TMEM132D: variants seen among roughly 807,000 people sequenced by gnomAD.
The protein encoded by TMEM132D is transmembrane protein 132D, also known as mature OL transmembrane protein.
In TMEM132D, 21 loss-of-function variants were observed where a neutral mutation model predicts 62.3. The ratio of observed to expected loss-of-function variants is 0.34; its 90% CI spans 0.24 to 0.49. The LOEUF (loss-of-function observed/expected upper bound fraction) is 0.49, where lower values mean the gene tolerates loss of function less well. Among genes scored for constraint, TMEM132D ranks in the 20% least tolerant of loss-of-function variants. The pLI, the probability that TMEM132D is intolerant of heterozygous loss-of-function variation, is 0.99. For synonymous variants in TMEM132D, 621 were observed against 575.6 expected (o/e 1.08, Z -1.13); for missense variants, 1,346 against 1,402.8 (o/e 0.96, Z 0.65).
intron 3 of TMEM132D, among the ~76,000 whole-genome samples, chr12:129,376,634 G>C (rs1870790011): frequency 6.6e-6 from 1 of 152,126 alleles, no homozygotes; most frequent in Non-Finnish European, 1.5e-5. Context: ...TTAGAGACAG[G>C]GCTTTTAAAT....
chr12:129,434,285 G>GA (rs1298406288), intron 3 of TMEM132D, among the ~76,000 whole-genome samples: 2 of 152,172 alleles, frequency 1.3e-5, no homozygotes, highest in Non-Finnish European at 2.9e-5. Flanking sequence ...GTGTACAAGA[G>GA]ATAACATCAG....
At chr12:129,698,816 AAAG>A (rs991285039) in intron 2 of TMEM132D, among the ~76,000 whole-genome samples, 2 of 151,606 alleles carry the variant, frequency 1.3e-5, no homozygotes, top group South Asian at 2.1e-4. Context: ...AGAAAAAAGA[AAAG>A]AAGAAAAGAA....
chr12:129,425,428 T>C (rs1872467657), intron 3 of TMEM132D, among the ~76,000 whole-genome samples: 1 of 151,020 alleles, frequency 6.6e-6, no homozygotes, highest in Non-Finnish European at 1.5e-5. Context: ...TTCTAATCTC[T>C]GCTTTTGCTT....
chr12:129,481,437 C>T (rs570907273), intron 3 of TMEM132D, among the ~76,000 whole-genome samples: 60 of 144,572 alleles, frequency 4.2e-4, no homozygotes, highest in Middle Eastern at 3.7e-3. Context: ...CACTCCAGCC[C>T]GGGTGACAGA....
chr12:129,073,436 C>T lies in TMEM132D; in HGVS notation c.*439G>A, dbSNP rs753211291. On this transcript the variant is annotated 3_prime_UTR_variant, in exon 9 of 9. Coordinates refer to ENST00000422113, the MANE Select transcript of TMEM132D (RefSeq NM_133448.3). ...ATGTGCTGCTCCAGTTTCGATGACA[C>T]GCTTCCTCCCATTGATCCATGGATG... The T allele has an allele frequency of 1.4e-4, 21 of 146,164 alleles. No individual in the cohort carries two copies. The highest frequency in any genetic ancestry group is 2.6e-4 in the Non-Finnish European group (17 of 65,896). The allele number at this position is 146,164 out of a possible 1,614,324, so 9.1% of individuals were successfully genotyped here. A position where few individuals can be genotyped will look rare whatever the true frequency, so the allele number is the denominator to read the frequency against.
At chr12:129,593,165 A>C (rs1878241838) in intron 2 of TMEM132D, among the ~76,000 whole-genome samples, 1 of 152,212 alleles carries the variant, frequency 6.6e-6, no homozygotes, top group South Asian at 2.1e-4. Context: ...GTATGTAAAA[A>C]ATCAGGGAAA....
intron 4 of TMEM132D, among the ~76,000 whole-genome samples, chr12:129,317,521 C>G (rs115805984): frequency 6.6e-6 from 1 of 152,124 alleles, no homozygotes; most frequent in Non-Finnish European, 1.5e-5. Context: ...GCTGTTAATC[C>G]GATAGGATTT....
intron 1 of TMEM132D, among the ~76,000 whole-genome samples, chr12:129,788,463 CA>C (rs1871303026): frequency 6.6e-6 from 1 of 152,114 alleles, no homozygotes; most frequent in African/African-American, 2.4e-5. Context: ...AACTATTTTT[CA>C]AAGGAAATAA....
At chr12:129,319,338 A>G (rs1868605623) in intron 4 of TMEM132D, among the ~76,000 whole-genome samples, 1 of 152,160 alleles carries the variant, frequency 6.6e-6, no homozygotes, top group African/African-American at 2.4e-5. Flanking sequence ...AGCCCCAGGT[A>G]AAGTTAGAAA....
chr12:129,568,009 G>A (rs1181749587), intron 2 of TMEM132D, among the ~76,000 whole-genome samples: 2 of 152,174 alleles, frequency 1.3e-5, no homozygotes, highest in Non-Finnish European at 2.9e-5. Context: ...GAGGGGTTCT[G>A]GGCATTTTAA....
At chr12:129,536,904 C>T (rs932768757) in intron 2 of TMEM132D, among the ~76,000 whole-genome samples, 5 of 152,128 alleles carry the variant, frequency 3.3e-5, no homozygotes, top group Admixed American at 6.5e-5. Flanking sequence ...CGCCTGTAAT[C>T]CCAGCCATGT....
At chr12:129,078,040 T>C (rs1336850422) in intron 8 of TMEM132D, among the ~76,000 whole-genome samples, 1 of 152,192 alleles carries the variant, frequency 6.6e-6, no homozygotes, top group Non-Finnish European at 1.5e-5. Context: ...GTTTCTGCCT[T>C]GAGCTGAACA....
chr12:129,834,059 A>G (rs1872926636), intron 1 of TMEM132D, among the ~76,000 whole-genome samples: 1 of 152,180 alleles, frequency 6.6e-6, no homozygotes, highest in Admixed American at 6.5e-5. Context: ...ATCACTGTTC[A>G]AGGACTGAGG....
intron 2 of TMEM132D, among the ~76,000 whole-genome samples, chr12:129,634,690 G>T (rs2137169798): frequency 6.6e-6 from 1 of 152,192 alleles, no homozygotes; most frequent in Non-Finnish European, 1.5e-5. Context: ...AACGTTGGCA[G>T]GTCAGAGTTG....
intron 5 of TMEM132D, among the ~76,000 whole-genome samples, chr12:129,172,546 G>C (rs1877764968): frequency 6.6e-6 from 1 of 152,152 alleles, no homozygotes; most frequent in Non-Finnish European, 1.5e-5. Context: ...CCTTTCATTT[G>C]AACACTTAGA....
chr12:129,494,536 A>G (rs1593037008), intron 3 of TMEM132D, among the ~76,000 whole-genome samples: 3 of 152,216 alleles, frequency 2.0e-5, no homozygotes, highest in African/African-American at 7.2e-5. Flanking sequence ...TAACATTTAC[A>G]TATTAAGAAA....
At position 129,531,142 on chromosome 12, in the gene TMEM132D, A is replaced by G. The variant is rs2137089383; in HGVS notation, c.1032T>C (p.Asp344=). 6.2e-7 allele frequency: 1 copy of G among 1,613,948 alleles called. No homozygotes were observed. Among genetic ancestry groups the G allele is most frequent in the East Asian group, 2.2e-5 (1 of 44,872 alleles). The change falls in exon 3 of 9, where the codon GAT becomes GAC. Residue 344 remains aspartate, a synonymous_variant. Transcript: ENST00000422113. ...GVRASSPSIW[D]VKERTDYTGK... ...CAGTATAATCCGTGCGCTCCTTGAC[A>G]TCCCAAATGGAAGGGCTGCTGGCTC... is the stretch of plus-strand genomic sequence containing the variant.
At chr12:129,278,289 G>A (rs1481150148) in intron 4 of TMEM132D, among the ~76,000 whole-genome samples, 4 of 152,164 alleles carry the variant, frequency 2.6e-5, no homozygotes, top group Admixed American at 1.3e-4. Flanking sequence ...GAATTACTCA[G>A]TGGTAACTGG....
intron 2 of TMEM132D, among the ~76,000 whole-genome samples, chr12:129,630,290 G>A (rs566121366): frequency 8.5e-5 from 13 of 152,222 alleles, no homozygotes; most frequent in Admixed American, 2.0e-4. Flanking sequence ...TTTAAATTTG[G>A]ACTTCAAGGC....
Sources: gnomAD v4.1 joint callset for allele counts (sites outside exome capture counted in the v4.1 genomes callset) on GRCh38, gnomAD v4.1.1 for gene constraint, MANE v1.5 for transcripts, NCBI Gene and HGNC (gene_info 2026-07-23, HGNC 2026-07-21) for gene names.